Variants in FSBP observed in about 807,000 individuals in gnomAD.
The protein encoded by FSBP is fibrinogen silencer binding protein, also known as fibrinogen silencer-binding protein.
In FSBP, 18 loss-of-function variants were observed where a neutral mutation model predicts 24.6. The ratio of observed to expected loss-of-function variants is 0.73; its 90% CI spans 0.51 to 1.08. The LOEUF (loss-of-function observed/expected upper bound fraction) is 1.08. FSBP is among the 50% of genes least tolerant of loss of function. The pLI, the probability that FSBP is intolerant of heterozygous loss-of-function variation, is 0.00. For synonymous variants in FSBP, 110 were observed against 125.8 expected (o/e 0.87, Z 0.84); for missense variants, 305 against 347.6 (o/e 0.88, Z 0.98).
rs1563653811 is a variant in FSBP, at chr8:94,430,233, C to T, written c.*1898G>A. 7 of 758,358 alleles carry T rather than the reference C, an allele frequency of 9.2e-6. No individual in the cohort carries two copies. The highest frequency in any genetic ancestry group is 9.6e-6 in the Non-Finnish European group (6 of 623,478). 47.0% of individuals were successfully genotyped at this position (758,358 alleles called of 1,614,324 possible). A position where few individuals can be genotyped will look rare whatever the true frequency, so the allele number is the denominator to read the frequency against. On this transcript the variant is annotated 3_prime_UTR_variant, in exon 2 of 2. Transcript: ENST00000481490. Reference sequence around the variant, plus strand: ...AGCTGAAGCAGGAGAATCGCTTGAACCCAGGAAACGGAGATTGCAGTGAGC... The same window carrying T: ...AGCTGAAGCAGGAGAATCGCTTGAATCCAGGAAACGGAGATTGCAGTGAGC...
Position 94,430,622 on chromosome 8 carries a change from G to T in FSBP, c.*1509C>A. On this transcript the variant is annotated 3_prime_UTR_variant, in exon 2 of 2. Transcript: ENST00000481490. ...ATGCTGCTGGTCAGGACCCATACTT[G>T]GAAAACCATTGGTCTACTCCAAAGG... is the stretch of plus-strand genomic sequence containing the variant. 1.6e-6 allele frequency: 1 copy of T among 607,492 alleles called. No individual in the cohort carries two copies. The highest frequency in any genetic ancestry group is 2.1e-6 in the Non-Finnish European group (1 of 485,436). 37.6% of individuals were successfully genotyped at this position (607,492 alleles called of 1,614,324 possible).
Position 94,432,478 on chromosome 8 carries a change from C to T in FSBP, c.553G>A (p.Val185Ile). 1 of 1,550,456 alleles carries T rather than the reference C, an allele frequency of 6.4e-7. No individual in the cohort carries two copies. Among genetic ancestry groups the T allele is most frequent in the Non-Finnish European group, 8.7e-7 (1 of 1,146,830 alleles). ...GACAAGGATCTTTCCATAACATGTACTAATTCATGTTCTTCTCTTTGCTCT... is the reference window on the plus strand; with the variant it reads ...GACAAGGATCTTTCCATAACATGTATTAATTCATGTTCTTCTCTTTGCTCT... ...TLEQREEHEL[V>I]HVMERSLSPS... is the part of the protein sequence containing the mutation. The change falls in exon 2 of 2, where the codon GTA becomes ATA. Residue 185 changes from valine to isoleucine, a missense_variant. By Grantham distance (29) the Val-to-Ile change is conservative. Transcript: ENST00000481490.
At chr8:94,434,871 GT>G (rs1812212692) in intron 1 of FSBP, among the ~76,000 whole-genome samples, 1 of 151,246 alleles carries the variant, frequency 6.6e-6, no homozygotes, top group Non-Finnish European at 1.5e-5. Context: ...TCAGAGAAAT[GT>G]TCATATCCCA....
Position 94,430,314 on chromosome 8 carries a change from A to G in FSBP, c.*1817T>C, listed in dbSNP as rs1199475307. ...TGACAAAGCAAGACTCCATCTCAAA[A>G]AAAAAAAAAAAAAGTATTTAATGTA... On this transcript the variant is annotated 3_prime_UTR_variant, in exon 2 of 2. Transcript: ENST00000481490. 1 of 913,116 alleles carries G rather than the reference A, an allele frequency of 1.1e-6. No homozygotes were observed. The highest frequency in any genetic ancestry group is 1.8e-5 in the African/African-American group (1 of 55,476). 56.6% of individuals were successfully genotyped at this position (913,116 alleles called of 1,614,324 possible).
chr8:94,430,521 G>T lies in FSBP; in HGVS notation c.*1610C>A. The T allele has an allele frequency of 2.3e-6, 2 of 863,014 alleles. No homozygotes were observed. Among genetic ancestry groups the T allele is most frequent in the Non-Finnish European group, 2.8e-6 (2 of 718,732 alleles). 53.5% of individuals were successfully genotyped at this position (863,014 alleles called of 1,614,324 possible). On this transcript the variant is annotated 3_prime_UTR_variant, in exon 2 of 2. Coordinates refer to ENST00000481490, the MANE Select transcript of FSBP (RefSeq NM_001256141.2). The stretch of plus-strand genomic sequence containing the variant: ...AATCGCTAAAGGGTTTATTAAAAGA[G>T]ATTGCTGACACCCCCAGGGTTTCTA...
chr8:94,433,432 T>C (rs3136428), intron 1 of FSBP, among the ~76,000 whole-genome samples: 41 of 152,122 alleles, frequency 2.7e-4, no homozygotes, highest in Non-Finnish European at 5.0e-4. Context: ...TCATTATGTG[T>C]TGAATGACTG....
At chr8:94,436,351 CTT>C (rs747748529) in intron 1 of FSBP, 142 bp downstream of exon 1, 225 of 1,147,128 alleles carry the variant, frequency 2.0e-4, no homozygotes, top group Non-Finnish European at 2.4e-4. Flanking sequence ...TCACTTTTCT[CTT>C]TTTAAAAAAT....
chr8:94,432,378 C>G lies in FSBP; in HGVS notation c.653G>C (p.Arg218Pro), dbSNP rs886153940. 1 of 1,550,158 alleles carries G rather than the reference C, an allele frequency of 6.5e-7. No individual in the cohort carries two copies. The highest frequency in any genetic ancestry group is 8.7e-7 in the Non-Finnish European group (1 of 1,146,816). The change falls in exon 2 of 2, where the codon CGG becomes CCG. Residue 218 changes from arginine to proline, a missense_variant. By Grantham distance (103) the Arg-to-Pro change is moderately radical. Transcript: ENST00000481490. ...CCTAAAGTGTTCACCACTCTCATGCCGAAAAAAATCATCTCTCCTTGGAAT... is the reference window on the plus strand; with the variant it reads ...CCTAAAGTGTTCACCACTCTCATGCGGAAAAAAATCATCTCTCCTTGGAAT... ...SSIPRRDDFF[R>P]HESGEHFRSL...
rs1418544975 is a variant in FSBP, at chr8:94,431,812, G to T, written c.*319C>A. 2.0e-6 allele frequency: 2 copies of T among 1,010,818 alleles called. No individual in the cohort carries two copies. The highest frequency in any genetic ancestry group is 3.4e-5 in the African/African-American group (2 of 58,060). 62.6% of individuals were successfully genotyped at this position (1,010,818 alleles called of 1,614,324 possible). On this transcript the variant is annotated 3_prime_UTR_variant, in exon 2 of 2. Transcript: ENST00000481490. The stretch of plus-strand genomic sequence containing the variant: ...CAAAGTTCTAACTAAAAATGTTGAA[G>T]ACTCAGAACTTTGAAAGAATATGTG...
Position 94,429,150 on chromosome 8 carries a change from T to C in FSBP, c.*2981A>G, listed in dbSNP as rs1406241006. ...AGTGTGATTCTGGTGTTTAAAAATA[T>C]GTAAAAATAGGTTTCTTATTGTATA... On this transcript the variant is annotated 3_prime_UTR_variant, in exon 2 of 2. Coordinates refer to ENST00000481490, the MANE Select transcript of FSBP (RefSeq NM_001256141.2). 2 of 974,554 alleles carry C rather than the reference T, an allele frequency of 2.1e-6. No homozygotes were observed. Among genetic ancestry groups the C allele is most frequent in the African/African-American group, 1.8e-5 (1 of 56,994 alleles). The allele number at this position is 974,554 out of a possible 1,614,324, so 60.4% of individuals were successfully genotyped here. A position where few individuals can be genotyped will look rare whatever the true frequency, so the allele number is the denominator to read the frequency against.
chr8:94,434,915 T>C (rs1812214658), intron 1 of FSBP, among the ~76,000 whole-genome samples: 2 of 151,500 alleles, frequency 1.3e-5, no homozygotes, highest in South Asian at 4.2e-4. Flanking sequence ...TTGTAAATAT[T>C]CACACACACA....
Position 94,436,801 on chromosome 8 carries a change from T to C in FSBP, c.68A>G (p.Lys23Arg). The C allele has an allele frequency of 6.5e-7, 1 of 1,549,558 alleles. No individual in the cohort carries two copies. Among genetic ancestry groups the C allele is most frequent in the Non-Finnish European group, 8.7e-7 (1 of 1,146,682 alleles). ...TTCTTCGAGAATTTTCACATATGGC[T>C]TCACAAGCTTTAGCAAATCAAGCTT... The part of the protein sequence containing the change: ...SEKLDLLKLV[K>R]PYVKILEEHT... Residue 23 changes from lysine (K) to arginine (R), a missense_variant, in exon 1 of 2, where the codon AAG (lysine) becomes AGG (arginine). Transcript: ENST00000481490.
In FSBP at chr8:94,430,596, G is replaced by C. The variant is rs1812067103; in HGVS notation, c.*1535C>G. The C allele has an allele frequency of 1.6e-6, 1 of 607,560 alleles. No individual in the cohort carries two copies. Among genetic ancestry groups the C allele is most frequent in the Non-Finnish European group, 2.1e-6 (1 of 485,328 alleles). The allele number at this position is 607,560 out of a possible 1,614,324, so 37.6% of individuals were successfully genotyped here. A position where few individuals can be genotyped will look rare whatever the true frequency, so the allele number is the denominator to read the frequency against. On this transcript the variant is annotated 3_prime_UTR_variant, in exon 2 of 2. Coordinates refer to ENST00000481490, the MANE Select transcript of FSBP (RefSeq NM_001256141.2). ...TTCTAACAAGTTCTCAAGTGATGCT[G>C]ATGCTGCTGGTCAGGACCCATACTT...
intron 1 of FSBP, 119 bp from the exon 2 acceptor site, chr8:94,432,775 A>G: frequency 8.0e-7 from 1 of 1,245,430 alleles, no homozygotes; most frequent in Non-Finnish European, 1.0e-6. Flanking sequence ...ATAAAGTTAC[A>G]AAATAAAAAA....
chr8:94,429,557 T>C lies in FSBP; in HGVS notation c.*2574A>G. ...AAACTGTAAAGTGAATTACATCTCATATATGTGCTTTCAATAATTTCAAAA... is the reference window on the plus strand; with the variant it reads ...AAACTGTAAAGTGAATTACATCTCACATATGTGCTTTCAATAATTTCAAAA... On this transcript the variant is annotated 3_prime_UTR_variant, in exon 2 of 2. Transcript: ENST00000481490. 1.0e-6 allele frequency: 1 copy of C among 982,672 alleles called. No individual in the cohort carries two copies. Among genetic ancestry groups the C allele is most frequent in the Non-Finnish European group, 1.2e-6 (1 of 827,408 alleles). The allele number at this position is 982,672 out of a possible 1,614,324, so 60.9% of individuals were successfully genotyped here.
At position 94,430,291 on chromosome 8, in the gene FSBP, A is replaced by T; in HGVS notation, c.*1840T>A. ...GCACCACTGCACTCCAACCTAGGTG[A>T]CAAAGCAAGACTCCATCTCAAAAAA... On this transcript the variant is annotated 3_prime_UTR_variant, in exon 2 of 2. Transcript: ENST00000481490. 1 of 937,452 alleles carries T rather than the reference A, an allele frequency of 1.1e-6. No individual in the cohort carries two copies. Among genetic ancestry groups the T allele is most frequent in the Non-Finnish European group, 1.3e-6 (1 of 788,758 alleles). 58.1% of individuals were successfully genotyped at this position (937,452 alleles called of 1,614,324 possible).
Position 94,431,467 on chromosome 8 carries a change from G to A in FSBP, c.*664C>T, listed in dbSNP as rs1368161809. On this transcript the variant is annotated 3_prime_UTR_variant, in exon 2 of 2. Transcript: ENST00000481490. ...CTTCTAATATTTAAATCTAGAGAAT[G>A]TTTTAGTGGATATTTACTTCTATCG... The A allele has an allele frequency of 2.0e-6, 2 of 982,060 alleles. No individual in the cohort carries two copies. Among genetic ancestry groups the A allele is most frequent in the African/African-American group, 1.7e-5 (1 of 57,252 alleles). 60.8% of individuals were successfully genotyped at this position (982,060 alleles called of 1,614,324 possible).
At chr8:94,435,621 T>C (rs1448086004) in intron 1 of FSBP, among the ~76,000 whole-genome samples, 1 of 152,126 alleles carries the variant, frequency 6.6e-6, no homozygotes, top group East Asian at 1.9e-4. Flanking sequence ...GGTTACAATC[T>C]GAATTAGTGG....
At position 94,433,719 on chromosome 8, in the gene FSBP, C is replaced by T. The variant is rs973549926; in HGVS notation, c.375-1063G>A. 5.3e-5 allele frequency among the ~76,000 whole-genome samples: 8 copies of T among 151,252 alleles called. 1 individual carries two copies. In the South Asian group the frequency reaches 6.2e-4, roughly 12 times the overall value. On this transcript the variant is annotated intron_variant, in intron 1 of 1. Transcript: ENST00000481490. ...TTGAGGTTGTTTTTTTTAATTTATG[C>T]TTCTGCCTAACTTAAAAATAAAAGT...
Sources: gnomAD v4.1 joint callset for allele counts (sites outside exome capture counted in the v4.1 genomes callset) on GRCh38, gnomAD v4.1.1 for gene constraint, MANE v1.5 for transcripts, NCBI Gene and HGNC (gene_info 2026-07-23, HGNC 2026-07-21) for gene names.